HGD: variants seen among roughly 807,000 people sequenced by gnomAD.
The protein encoded by HGD is homogentisate 1,2-dioxygenase, also known as homogentisate oxidase.
HGD carries 61 observed loss-of-function variants against 60.8 expected under a neutral mutation model. That is an observed-to-expected ratio of 1.00 (90% confidence interval 0.82 to 1.24). The LOEUF (loss-of-function observed/expected upper bound fraction) is 1.24, where lower values mean the gene tolerates loss of function less well. Among genes scored for constraint, HGD ranks in the 50% most tolerant of loss-of-function variants. HGD has a pLI of 0.00. For missense variants in HGD, 542 were observed against 547.1 expected, an observed-to-expected ratio of 0.99 and a Z score of 0.09; for synonymous variants, 212 against 187.7, an observed-to-expected ratio of 1.13 and a Z score of -1.06.
intron 9 of HGD, 178 bp from the exon 10 acceptor site, chr3:120,644,621 T>C (rs946316311): frequency 1.3e-6 from 2 of 1,530,860 alleles, no homozygotes. Context: ...CCAAGGAATC[T>C]GGTCAGAAAA....
intron 6 of HGD, among the ~76,000 whole-genome samples, chr3:120,648,895 G>T (rs1941245464): frequency 6.6e-6 from 1 of 152,016 alleles, no homozygotes; most frequent in Non-Finnish European, 1.5e-5. Flanking sequence ...GGACACATTG[G>T]GCCTCAGAGA....
At chr3:120,643,840 C>A (rs576072537) in intron 10 of HGD, among the ~76,000 whole-genome samples, 8 of 152,218 alleles carry the variant, frequency 5.3e-5, no homozygotes, top group African/African-American at 1.9e-4. Flanking sequence ...CCTGGTGGTA[C>A]AAACCAAGCC....
At chr3:120,630,961 T>C (rs112841625) in intron 13 of HGD, among the ~76,000 whole-genome samples, 2,994 of 151,704 alleles carry the variant, frequency 0.02, 86 homozygotes, top group African/African-American at 0.069. Flanking sequence ...GCCATTATCC[T>C]TGGCAAACTA....
At chr3:120,642,814 A>T (rs1941031016) in intron 10 of HGD, among the ~76,000 whole-genome samples, 1 of 152,202 alleles carries the variant, frequency 6.6e-6, no homozygotes, top group South Asian at 2.1e-4. Context: ...CCTGCCTTGT[A>T]GTTTCCTGTG....
intron 6 of HGD, 138 bp from the exon 7 acceptor site, chr3:120,648,049 G>A: frequency 1.3e-6 from 1 of 744,430 alleles, no homozygotes; most frequent in South Asian, 1.5e-5. Context: ...AATGACCCAG[G>A]CTCTGCCCTT....
At chr3:120,677,336 A>C (rs1708149381) in intron 1 of HGD, among the ~76,000 whole-genome samples, 1 of 152,212 alleles carries the variant, frequency 6.6e-6, no homozygotes, top group South Asian at 2.1e-4. Flanking sequence ...AATATCGCTG[A>C]ATTCTTTTTC....
At chr3:120,675,066 G>GTT in intron 2 of HGD, 77 bp from the exon 3 acceptor site, 1 of 930,696 alleles carries the variant, frequency 1.1e-6, no homozygotes, top group Non-Finnish European at 1.8e-6. Flanking sequence ...AACTCAGTAG[G>GTT]GGGATGGGGA....
At chr3:120,652,528 G>A (rs964253162) in intron 5 of HGD, 64 bp downstream of exon 5, 3 of 1,232,314 alleles carry the variant, frequency 2.4e-6, no homozygotes, top group African/African-American at 1.5e-5. Context: ...GGCTGCAAAT[G>A]GTTGGCTCAC....
chr3:120,656,947 G>A (rs960583463), intron 4 of HGD, among the ~76,000 whole-genome samples: 4 of 152,204 alleles, frequency 2.6e-5, no homozygotes, highest in African/African-American at 4.8e-5. Flanking sequence ...TTCTTCACAC[G>A]TGTAAAATCG....
Position 120,647,925 on chromosome 3 carries a change from A to G in HGD, c.435-14T>C. The G allele has an allele frequency of 6.2e-7, 1 of 1,602,252 alleles. No homozygotes were observed. The highest frequency in any genetic ancestry group is 2.2e-5 in the East Asian group (1 of 44,832). On this transcript the variant is annotated splice_polypyrimidine_tract_variant and intron_variant, in intron 6 of 13. Coordinates refer to ENST00000283871, the MANE Select transcript of HGD (RefSeq NM_000187.4). ...TTGTAAAAGCATCTGAAACATATAG[A>G]GTAATTCTTGTGATTTTCAGTTTTA...
intron 6 of HGD, among the ~76,000 whole-genome samples, chr3:120,648,768 T>A (rs931786234): frequency 2.0e-5 from 3 of 152,136 alleles, no homozygotes; most frequent in African/African-American, 7.2e-5. Context: ...GTTCTCAGGA[T>A]CTCCTGAGGG....
At chr3:120,647,471 A>G (rs908040864) in intron 7 of HGD, among the ~76,000 whole-genome samples, 8 of 152,266 alleles carry the variant, frequency 5.3e-5, no homozygotes, top group Non-Finnish European at 1.2e-4. Flanking sequence ...AATCTCTGAT[A>G]GACTTTACAT....
Position 120,682,115 on chromosome 3 carries a change from C to T in HGD, c.-4G>A, listed in dbSNP as rs368515284. On this transcript the variant is annotated 5_prime_UTR_variant, in exon 1 of 14. Coordinates refer to ENST00000283871, the MANE Select transcript of HGD (RefSeq NM_000187.4). ...TTCTTACCTTTAACTCAGCCATTTT[C>T]TCTCTCCTCTATGTGTGGTGACTTC... 4.6e-5 allele frequency: 74 copies of T among 1,613,860 alleles called. No individual in the cohort carries two copies. The East Asian group carries it at 8.2e-4, about 18-fold the overall frequency.
At chr3:120,641,406 T>C (rs1940973929) in intron 11 of HGD, among the ~76,000 whole-genome samples, 183 bp downstream of exon 11, 1 of 152,168 alleles carries the variant, frequency 6.6e-6, no homozygotes, top group South Asian at 2.1e-4. Flanking sequence ...GAATGTTGAG[T>C]ATCTGGCTTT....
rs1553715345 is a variant in HGD, at chr3:120,628,370, T to C, written c.*10A>G. The C allele has an allele frequency of 6.8e-6, 11 of 1,613,378 alleles. No individual in the cohort carries two copies. The highest frequency in any genetic ancestry group is 8.5e-6 in the Non-Finnish European group (10 of 1,179,482). On this transcript the variant is annotated 3_prime_UTR_variant, in exon 14 of 14. Transcript: ENST00000283871. Reference sequence around the variant, plus strand: ...AATCTACTCTTAATTATGGTAGCAATGTTCCAGTCTCAATTAGGTTCTGCT... The same window carrying C: ...AATCTACTCTTAATTATGGTAGCAACGTTCCAGTCTCAATTAGGTTCTGCT...
intron 8 of HGD, 103 bp from the exon 9 acceptor site, chr3:120,646,469 C>A: frequency 1.2e-6 from 1 of 802,400 alleles, no homozygotes; most frequent in South Asian, 1.4e-5. Flanking sequence ...AAGTAAAGCT[C>A]TTGTTTGTTG....
At chr3:120,659,997 C>T (rs1001667200) in intron 4 of HGD, among the ~76,000 whole-genome samples, 5 of 152,052 alleles carry the variant, frequency 3.3e-5, no homozygotes. Context: ...TAGCACTACC[C>T]TCTTGGTGCT....
At chr3:120,635,281 T>A (rs1576286396) in intron 12 of HGD, among the ~76,000 whole-genome samples, 1 of 151,796 alleles carries the variant, frequency 6.6e-6, no homozygotes, top group Non-Finnish European at 1.5e-5. Context: ...ATCGAGACCA[T>A]CCTGGCCAAC....
chr3:120,631,656 C>T (rs1168447544), intron 13 of HGD, among the ~76,000 whole-genome samples: 1 of 152,162 alleles, frequency 6.6e-6, no homozygotes, highest in Non-Finnish European at 1.5e-5. Context: ...TTTGAAGATG[C>T]TATTGTACCA....
Sources: allele counts gnomAD v4.1 joint callset (sites outside exome capture counted in the v4.1 genomes callset), GRCh38; gene constraint gnomAD v4.1.1; transcripts MANE v1.5; gene names NCBI Gene and HGNC (gene_info 2026-07-23, HGNC 2026-07-21).